Variants in TRDN observed in about 807,000 individuals in gnomAD.
TRDN encodes the protein triadin in skeletal muscle.
Under a neutral mutation model 149.7 loss-of-function variants are expected in TRDN, and 161 were observed. That is an observed-to-expected ratio of 1.08 (90% CI 0.95 to 1.23). The LOEUF (loss-of-function observed/expected upper bound fraction) is 1.23, where lower values mean the gene tolerates loss of function less well. Ranked by LOEUF, TRDN falls within the 50% of genes most tolerant of loss-of-function variation. TRDN has a pLI of 0.00. For missense variants in TRDN, 896 were observed against 823.5 expected (o/e 1.09, Z -1.08); for synonymous variants, 294 against 250.5 (o/e 1.17, Z -1.64).
intron 9 of TRDN, among the ~76,000 whole-genome samples, chr6:123,491,762 CT>C (rs886695563): frequency 4.6e-5 from 7 of 152,110 alleles, no homozygotes; most frequent in African/African-American, 1.7e-4. Flanking sequence ...ATTCCCGAAA[CT>C]TTTGTTGTGT....
intron 38 of TRDN, among the ~76,000 whole-genome samples, chr6:123,247,904 T>G (rs550736959): frequency 1.2e-4 from 18 of 152,160 alleles, no homozygotes; most frequent in Admixed American, 2.6e-4. Flanking sequence ...AACAGATATA[T>G]AGACCAATGG....
intron 23 of TRDN, among the ~76,000 whole-genome samples, chr6:123,327,659 A>T (rs1218772285): frequency 1.3e-5 from 2 of 152,112 alleles, no homozygotes. Context: ...GGAATGCTAA[A>T]CATTAATTTT....
chr6:123,274,643 G>T lies in TRDN; in HGVS notation c.1595C>A (p.Pro532Gln), dbSNP rs1200813600. 6.2e-7 allele frequency: 1 copy of T among 1,607,898 alleles called. No individual in the cohort carries two copies. The change falls in exon 27 of 41, where the codon CCA (proline) becomes CAA (glutamine). Residue 532 changes from proline (P) to glutamine (Q), a missense_variant and splice_region_variant. Coordinates refer to ENST00000334268, the MANE Select transcript of TRDN (RefSeq NM_006073.4). Reference sequence around the variant, plus strand: ...ATATAAAATAAAGCTCATGTTACCTGGTTTTGCTTCTTTTTTAATTTGGGG... The same window carrying T: ...ATATAAAATAAAGCTCATGTTACCTTGTTTTGCTTCTTTTTTAATTTGGGG... ...PEPQIKKEAKPAISEKVQIHK... is the reference protein window; with the variant it reads ...PEPQIKKEAKQAISEKVQIHK...
rs76667432 is a variant in TRDN at position 123,547,893 on chromosome 6, T to C, written c.392-521A>G. On this transcript the variant is annotated intron_variant, in intron 3 of 40. Transcript: ENST00000334268. ...CTATTTCCTTTTATTCATTAATATATATGAGAGAGCACATAGGTTAGTTGC... is the reference window on the plus strand; with the variant it reads ...CTATTTCCTTTTATTCATTAATATACATGAGAGAGCACATAGGTTAGTTGC... 7.9e-5 allele frequency among the ~76,000 whole-genome samples: 12 copies of C among 152,150 alleles called. No individual in the cohort carries two copies. In the East Asian group the frequency reaches 1.7e-3, roughly 22 times the overall value.
chr6:123,466,783 C>G (rs1439395161), intron 9 of TRDN, among the ~76,000 whole-genome samples: 1 of 151,802 alleles, frequency 6.6e-6, no homozygotes, highest in African/African-American at 2.4e-5. Context: ...ATATGAGTGT[C>G]CATAAATATA....
At chr6:123,251,568 T>G (rs906981855) in intron 38 of TRDN, among the ~76,000 whole-genome samples, 1 of 152,016 alleles carries the variant, frequency 6.6e-6, no homozygotes, top group South Asian at 2.1e-4. Flanking sequence ...AAAATTAAAA[T>G]AACATATTAA....
At chr6:123,416,955 C>G (rs568382795) in intron 12 of TRDN, among the ~76,000 whole-genome samples, 1 of 152,170 alleles carries the variant, frequency 6.6e-6, no homozygotes, top group Middle Eastern at 3.2e-3. Flanking sequence ...CACCTGCCTC[C>G]GTCTCCCAAA....
Position 123,636,848 on chromosome 6 carries a change from G to A in TRDN, c.-73C>T. 1 of 1,578,528 alleles carries A rather than the reference G, an allele frequency of 6.3e-7. No homozygotes were observed. The highest frequency in any genetic ancestry group is 1.3e-5 in the African/African-American group (1 of 74,164). On this transcript the variant is annotated 5_prime_UTR_variant, in exon 1 of 41. Transcript: ENST00000334268. Reference sequence around the variant, plus strand: ...CACTTTGCAGAGTATTTGGGGATTTGAGAACTCTGGTGGAGGGTTCTGTGT... The same window carrying A: ...CACTTTGCAGAGTATTTGGGGATTTAAGAACTCTGGTGGAGGGTTCTGTGT...
At chr6:123,499,330 T>G (rs1359808567) in intron 8 of TRDN, among the ~76,000 whole-genome samples, 1 of 152,082 alleles carries the variant, frequency 6.6e-6, no homozygotes, top group East Asian at 1.9e-4. Flanking sequence ...CTTCTTTAGC[T>G]GAATGCTGAC....
At chr6:123,444,800 C>T (rs1351605580) in intron 10 of TRDN, among the ~76,000 whole-genome samples, 2 of 152,140 alleles carry the variant, frequency 1.3e-5, no homozygotes, top group Non-Finnish European at 2.9e-5. Flanking sequence ...GTCTTTGGCT[C>T]TGTTTATATG....
At chr6:123,566,729 C>T (rs936108322) in intron 2 of TRDN, among the ~76,000 whole-genome samples, 21 of 152,098 alleles carry the variant, frequency 1.4e-4, no homozygotes, top group Non-Finnish European at 5.9e-5. Context: ...TAATACTAAT[C>T]CCTAGCAAAA....
At chr6:123,414,554 T>C (rs1773574724) in intron 12 of TRDN, among the ~76,000 whole-genome samples, 1 of 152,122 alleles carries the variant, frequency 6.6e-6, no homozygotes, top group African/African-American at 2.4e-5. Context: ...TTATTCTGTA[T>C]GTTGTGGAGG....
chr6:123,310,213 G>A (rs1309219128), intron 24 of TRDN, among the ~76,000 whole-genome samples: 2 of 151,894 alleles, frequency 1.3e-5, no homozygotes, highest in Admixed American at 6.6e-5. Flanking sequence ...TAAAATGATG[G>A]GACCAATATG....
At chr6:123,536,069 G>T (rs1780513080) in intron 4 of TRDN, among the ~76,000 whole-genome samples, 1 of 152,114 alleles carries the variant, frequency 6.6e-6, no homozygotes, top group African/African-American at 2.4e-5. Flanking sequence ...AAGATTAACA[G>T]TAGTGTCTAC....
rs76200200 is a variant in TRDN, at chr6:123,266,963, T to C, written c.1783+744A>G. 8.2e-3 allele frequency among the ~76,000 whole-genome samples: 1,210 copies of C among 147,958 alleles called. 21 individuals carry two copies. The highest frequency in any genetic ancestry group is 0.078 in the East Asian group (393 of 5,042). On this transcript the variant is annotated intron_variant, in intron 32 of 40. Coordinates refer to ENST00000334268, the MANE Select transcript of TRDN (RefSeq NM_006073.4). ...TCTACTAAAAATACAAAAAATTAGC[T>C]GGGCATGGTGGCAGGAGCCTGTAGT... is the stretch of plus-strand genomic sequence containing the variant.
intron 21 of TRDN, chr6:123,351,415 A>G (rs1780459231): frequency 1.0e-6 from 1 of 984,832 alleles, no homozygotes; most frequent in South Asian, 4.7e-5. Flanking sequence ...CAGTGCTCCC[A>G]CTTTATATTT....
At chr6:123,551,807 A>G (rs1293661707) in intron 2 of TRDN, among the ~76,000 whole-genome samples, 1 of 152,134 alleles carries the variant, frequency 6.6e-6, no homozygotes, top group Non-Finnish European at 1.5e-5. Flanking sequence ...AAGATTCTTA[A>G]CTATTGTGCT....
chr6:123,406,981 C>T (rs187205218), intron 12 of TRDN, among the ~76,000 whole-genome samples: 8 of 152,050 alleles, frequency 5.3e-5, no homozygotes, highest in Non-Finnish European at 8.8e-5. Flanking sequence ...TACCTTCCCA[C>T]CTTCAGGCTC....
intron 33 of TRDN, among the ~76,000 whole-genome samples, chr6:123,263,296 T>A (rs1252415333): frequency 1.3e-5 from 2 of 151,934 alleles, no homozygotes; most frequent in Admixed American, 6.6e-5. Context: ...AGGCCCTAAC[T>A]CCCTTCAATT....
Sources: gnomAD v4.1 joint callset for allele counts (sites outside exome capture counted in the v4.1 genomes callset) on GRCh38, gnomAD v4.1.1 for gene constraint, MANE v1.5 for transcripts, NCBI Gene and HGNC (gene_info 2026-07-23, HGNC 2026-07-21) for gene names.